Variants in SUPT6H observed in about 807,000 individuals in gnomAD.
SUPT6H encodes SPT6 homolog, histone chaperone and transcription elongation factor, also known as transcription elongation factor SPT6.
A neutral mutation model predicts 222.3 loss-of-function variants in SUPT6H; 11 were observed. That is an observed-to-expected ratio of 0.05 (90% confidence interval 0.03 to 0.08). The LOEUF is 0.08. Among genes scored for constraint, SUPT6H ranks in the 10% least tolerant of loss-of-function variants. SUPT6H has a pLI of 1.00. For synonymous variants in SUPT6H, 762 were observed against 801.2 expected (o/e 0.95, Z 0.83); for missense variants, 1,422 against 2,216.0 (o/e 0.64, Z 7.19).
At chr17:28,687,572 C>A in intron 23 of SUPT6H, 101 bp downstream of exon 23, 1 of 1,323,878 alleles carries the variant, frequency 7.6e-7, no homozygotes. Flanking sequence ...GGACCAAGGT[C>A]AGTGACTTGT....
rs1405262772 is a variant in SUPT6H, at chr17:28,681,869, G to A, written c.1499-13G>A. The A allele has an allele frequency of 5.0e-6, 8 of 1,601,278 alleles. No homozygotes were observed. Among genetic ancestry groups the A allele is most frequent in the Admixed American group, 1.7e-5 (1 of 57,492 alleles). On this transcript the variant is annotated splice_polypyrimidine_tract_variant and intron_variant, in intron 12 of 36. Transcript: ENST00000314616. Reference sequence around the variant, plus strand: ...AAACTAGAACCCTAAATCTCCCCATGTTTTCTTCCCAGGTGAAGGTGACGA... The same window carrying A: ...AAACTAGAACCCTAAATCTCCCCATATTTTCTTCCCAGGTGAAGGTGACGA...
intron 27 of SUPT6H, among the ~76,000 whole-genome samples, 188 bp from the exon 28 acceptor site, chr17:28,693,508 A>C (rs1046591478): frequency 3.3e-5 from 5 of 152,224 alleles, no homozygotes; most frequent in African/African-American, 4.8e-5. Context: ...GCCAAGCATC[A>C]GCTATGAGAC....
At position 28,701,894 on chromosome 17, in the gene SUPT6H, G is replaced by C. The variant is rs1048257661; in HGVS notation, c.*269G>C. On this transcript the variant is annotated 3_prime_UTR_variant, in exon 37 of 37. Transcript: ENST00000314616. ...GGGAGTGTGGCAGGGAGGAGGAAGA[G>C]GAAGGTGAGAATGAGTAGAACAGTT... 4.1e-6 allele frequency: 2 copies of C among 486,486 alleles called. No homozygotes were observed. The highest frequency in any genetic ancestry group is 3.8e-5 in the African/African-American group (2 of 52,412). 30.1% of individuals were successfully genotyped at this position (486,486 alleles called of 1,614,324 possible).
chr17:28,681,331 C>G lies in SUPT6H; in HGVS notation c.1425C>G (p.Ile475Met). The G allele has an allele frequency of 6.2e-7, 1 of 1,613,620 alleles. No homozygotes were observed. Among genetic ancestry groups the G allele is most frequent in the Non-Finnish European group, 8.5e-7 (1 of 1,179,844 alleles). Residue 475 changes from isoleucine to methionine, a missense_variant, in exon 12 of 37, where the codon ATC becomes ATG. By Grantham distance (10) the Ile-to-Met change is conservative. Around this residue, in one of 13 missense-constraint regions of SUPT6H, gnomAD observed 389 missense variants for 544.6 expected, o/e 0.71. Coordinates refer to ENST00000314616, the MANE Select transcript of SUPT6H (RefSeq NM_003170.5). ...NHFLLYYGRD[I>M]PKMQNAAKAS... ...TTCTTCTTTATTATGGCCGAGACAT[C>G]CCTAAGATGCAGAACGCCGCCAAAG...
chr17:28,683,554 A>T, intron 16 of SUPT6H, 67 bp from the exon 17 acceptor site: 1 of 1,588,100 alleles, frequency 6.3e-7, no homozygotes, highest in Non-Finnish European at 8.6e-7. Flanking sequence ...CTTGCTTAGA[A>T]TGTTCATGGA....
chr17:28,690,821 A>T (rs984112276), intron 26 of SUPT6H, 100 bp from the exon 27 acceptor site: 25 of 1,357,872 alleles, frequency 1.8e-5, no homozygotes, highest in African/African-American at 2.9e-5. Context: ...CTCTTCAAGG[A>T]TGGGAAGGAA....
At position 28,681,414 on chromosome 17, in the gene SUPT6H, G is replaced by T. The variant is rs530886149; in HGVS notation, c.1498+10G>T. 6.3e-7 allele frequency: 1 copy of T among 1,575,546 alleles called. No homozygotes were observed. The highest frequency in any genetic ancestry group is 1.2e-5 in the South Asian group (1 of 84,992). On this transcript the variant is annotated intron_variant, in intron 12 of 36. Transcript: ENST00000314616. Reference sequence around the variant, plus strand: ...GAGGGAGATGAAGAAGGTTAGTGCTGGAAAAGAAAATCCAGGAGATTTGAT... The same window carrying T: ...GAGGGAGATGAAGAAGGTTAGTGCTTGAAAAGAAAATCCAGGAGATTTGAT...
chr17:28,672,049 C>T (rs550846343), intron 1 of SUPT6H, among the ~76,000 whole-genome samples: 17 of 152,290 alleles, frequency 1.1e-4, no homozygotes, highest in Non-Finnish European at 2.4e-4. Context: ...AAACTAGGCC[C>T]TTTTTGGACC....
intron 1 of SUPT6H, among the ~76,000 whole-genome samples, chr17:28,663,542 A>G (rs1023259737): frequency 3.9e-5 from 6 of 152,062 alleles, no homozygotes; most frequent in Non-Finnish European, 8.8e-5. Context: ...CCCTGATTCT[A>G]TATTCTTGAC....
chr17:28,666,718 AT>A (rs2030044092), intron 1 of SUPT6H, among the ~76,000 whole-genome samples: 1 of 151,822 alleles, frequency 6.6e-6, no homozygotes, highest in Admixed American at 6.6e-5. Context: ...CACCCGGCTA[AT>A]TTTTGTATTT....
At chr17:28,675,521 A>AT in intron 6 of SUPT6H, 36 bp downstream of exon 6, 1 of 1,608,160 alleles carries the variant, frequency 6.2e-7, no homozygotes, top group Non-Finnish European at 8.5e-7. Context: ...GGATAAAGTG[A>AT]TTGAGTGGGC....
chr17:28,701,582 T>C lies in SUPT6H; in HGVS notation c.5138T>C (p.Ile1713Thr). ...SPMIESTPMSIAGDATPLLDE... is the reference protein window; with the variant it reads ...SPMIESTPMSTAGDATPLLDE... ...ATGATCGAAAGCACCCCCATGTCCA[T>C]TGCTGGCGATGCCACCCCACTCCTG... The change falls in exon 37 of 37, where the codon ATT (isoleucine) becomes ACT (threonine). Residue 1713 changes from isoleucine to threonine, a missense_variant. By Grantham distance (89) the Ile-to-Thr change is moderately conservative (BLOSUM62 -1). This residue lies in a region of SUPT6H where 395 missense variants were observed against 580.6 expected (regional missense o/e 0.68). Coordinates refer to ENST00000314616, the MANE Select transcript of SUPT6H (RefSeq NM_003170.5). 6.2e-7 allele frequency: 1 copy of C among 1,613,812 alleles called. No individual in the cohort carries two copies. Among genetic ancestry groups the C allele is most frequent in the Non-Finnish European group, 8.5e-7 (1 of 1,179,812 alleles).
At chr17:28,685,855 A>G (rs1276397957) in intron 19 of SUPT6H, among the ~76,000 whole-genome samples, 1 of 152,204 alleles carries the variant, frequency 6.6e-6, no homozygotes, top group African/African-American at 2.4e-5. Flanking sequence ...AAGTCACACC[A>G]CAAATGAAAT....
chr17:28,667,419 A>G lies in SUPT6H; in HGVS notation c.-32+5077A>G, dbSNP rs1300717002. On this transcript the variant is annotated intron_variant, in intron 1 of 36. Transcript: ENST00000314616. ...AGTGTGTGTGTGTATATATATATATATATATATATATATATATGTATGTGT... is the reference window on the plus strand; with the variant it reads ...AGTGTGTGTGTGTATATATATATATGTATATATATATATATATGTATGTGT... 1.5e-4 allele frequency among the ~76,000 whole-genome samples: 19 copies of G among 131,000 alleles called. 2 individuals carry two copies. Among genetic ancestry groups the G allele is most frequent in the African/African-American group, 4.4e-4 (15 of 34,284 alleles). The allele number at this position is 131,000 out of a possible 152,430, so 85.9% of individuals were successfully genotyped here.
intron 28 of SUPT6H, among the ~76,000 whole-genome samples, chr17:28,694,742 G>A (rs2031819375): frequency 6.6e-6 from 1 of 152,226 alleles, no homozygotes; most frequent in Admixed American, 6.5e-5. Flanking sequence ...GCTCACACCT[G>A]TAATCCCAGC....
intron 19 of SUPT6H, among the ~76,000 whole-genome samples, chr17:28,685,381 A>G (rs2031328477): frequency 6.6e-6 from 1 of 152,124 alleles, no homozygotes; most frequent in Non-Finnish European, 1.5e-5. Context: ...TCCTAATGGT[A>G]TCTGTAGTAT....
At chr17:28,665,621 G>A (rs2151596906) in intron 1 of SUPT6H, among the ~76,000 whole-genome samples, 1 of 152,286 alleles carries the variant, frequency 6.6e-6, no homozygotes, top group East Asian at 1.9e-4. Flanking sequence ...AAATTAGCTG[G>A]ACGTGGTGGT....
Position 28,674,674 on chromosome 17 carries a change from A to G in SUPT6H, c.345+61A>G, listed in dbSNP as rs1390381852. 1.7e-5 allele frequency: 26 copies of G among 1,527,524 alleles called. 1 individual carries two copies. The Middle Eastern group carries it at 6.8e-4, about 40-fold the overall frequency. The allele number at this position is 1,527,524 out of a possible 1,614,324, so 94.6% of individuals were successfully genotyped here. On this transcript the variant is annotated intron_variant, in intron 4 of 36. Transcript: ENST00000314616. ...AAAGGAAAAAGCCCTGGAAATTTCAATGTCTGTGGGTGAGGAGGCACACGC... is the reference window on the plus strand; with the variant it reads ...AAAGGAAAAAGCCCTGGAAATTTCAGTGTCTGTGGGTGAGGAGGCACACGC...
chr17:28,698,951 G>A (rs559509918), intron 32 of SUPT6H, among the ~76,000 whole-genome samples: 93 of 152,328 alleles, frequency 6.1e-4, no homozygotes, highest in Non-Finnish European at 1.2e-3. Context: ...CTGGTGGCGG[G>A]GGTGGGGGCT....
Sources: gnomAD v4.1 joint callset for allele counts (sites outside exome capture counted in the v4.1 genomes callset) on GRCh38, gnomAD v4.1.1 for gene constraint, gnomAD v4.1.1 regional missense constraint, MANE v1.5 for transcripts, NCBI Gene and HGNC (gene_info 2026-07-23, HGNC 2026-07-21) for gene names.